The following DOCK9 variants were observed in gnomAD, a reference collection of about 807,000 sequenced individuals.
DOCK9 encodes the protein dedicator of cytokinesis 9, also known as dedicator of cytokinesis protein 9.
DOCK9 carries 89 observed loss-of-function variants against 263.3 expected under a neutral mutation model. That is an observed-to-expected ratio of 0.34 (90% CI 0.28 to 0.40). The LOEUF is 0.40. Among genes scored for constraint, DOCK9 ranks in the 10% least tolerant of loss-of-function variants. DOCK9 has a pLI of 1.00. For synonymous variants in DOCK9, 976 were observed against 973.1 expected, an observed-to-expected ratio of 1.00 and a Z score of -0.06; for missense variants, 2,140 against 2,603.4, an observed-to-expected ratio of 0.82 and a Z score of 3.87.
intron 1 of DOCK9, among the ~76,000 whole-genome samples, chr13:99,069,040 A>G (rs899769497): frequency 2.0e-5 from 3 of 152,206 alleles, no homozygotes; most frequent in South Asian, 2.1e-4. Flanking sequence ...TTACAGCTGA[A>G]TATTTATTTT....
At chr13:98,955,675 T>C in intron 1 of DOCK9, 124 bp from the exon 2 acceptor site, 1 of 655,098 alleles carries the variant, frequency 1.5e-6, no homozygotes, top group Non-Finnish European at 2.6e-6. Context: ...AGTTTTGGTA[T>C]CACAAAGAAA....
intron 28 of DOCK9, 35 bp downstream of exon 28, chr13:98,868,196 C>G (rs981717855): frequency 6.2e-7 from 1 of 1,611,408 alleles, no homozygotes; most frequent in African/African-American, 1.3e-5. Flanking sequence ...CATCTTTGTC[C>G]CATAACTGAT....
chr13:98,926,099 C>T (rs2052912203), intron 3 of DOCK9, among the ~76,000 whole-genome samples, 180 bp from the exon 4 acceptor site: 1 of 152,196 alleles, frequency 6.6e-6, no homozygotes, highest in South Asian at 2.1e-4. Flanking sequence ...AGACTTTGAA[C>T]CACTGAAACA....
chr13:98,856,193 A>G (rs1438585136), intron 33 of DOCK9, 162 bp from the exon 34 acceptor site: 17 of 631,022 alleles, frequency 2.7e-5, no homozygotes, highest in Non-Finnish European at 3.9e-5. Context: ...GAACCAGGTC[A>G]TATACAATGA....
chr13:99,083,594 T>C (rs2042213855), intron 1 of DOCK9, among the ~76,000 whole-genome samples: 1 of 150,972 alleles, frequency 6.6e-6, no homozygotes. Flanking sequence ...TGATGAAATA[T>C]GAAGGTTCAT....
intron 1 of DOCK9, among the ~76,000 whole-genome samples, chr13:99,080,063 T>C (rs2042067606): frequency 6.6e-6 from 1 of 152,140 alleles, no homozygotes; most frequent in African/African-American, 2.4e-5. Context: ...AATACATAAA[T>C]ATCCCTCTCC....
intron 3 of DOCK9, among the ~76,000 whole-genome samples, chr13:98,927,788 T>C (rs2053241174): frequency 6.6e-6 from 1 of 151,866 alleles, no homozygotes; most frequent in Non-Finnish European, 1.5e-5. Flanking sequence ...GCCTGGCTAC[T>C]TTTTGTATTT....
Position 98,809,394 on chromosome 13 carries a change from G to A in DOCK9, c.5325C>T (p.Arg1775=). 6.2e-7 allele frequency: 1 copy of A among 1,613,842 alleles called. No homozygotes were observed. The highest frequency in any genetic ancestry group is 8.5e-7 in the Non-Finnish European group (1 of 1,179,876). ...CCCGGAAGTAGGTCCCCAGAAGCCTGCGGCCCGAGTGCATGACCTCGGTCA... is the reference window on the plus strand; with the variant it reads ...CCCGGAAGTAGGTCCCCAGAAGCCTACGGCCCGAGTGCATGACCTCGGTCA... The part of the protein sequence containing the change: ...SKVTEVMHSG[R]RLLGTYFRVA... The change falls in exon 47 of 53, where the codon CGC becomes CGT. Residue 1775 remains arginine (R), a synonymous_variant. Coordinates refer to ENST00000682017, the MANE Select transcript of DOCK9 (RefSeq NM_001366683.2).
chr13:98,902,253 C>T lies in DOCK9; in HGVS notation c.1380+35G>A. ...CATTTAGGTAGCATGCAAAGTGAGT[C>T]TGAGTAGTGGGAATGCTGGGCTCAT... On this transcript the variant is annotated intron_variant, in intron 12 of 52. Transcript: ENST00000682017. The T allele has an allele frequency of 1.9e-6, 3 of 1,606,120 alleles. No homozygotes were observed. The South Asian group carries it at 3.3e-5, about 18-fold the overall frequency.
chr13:99,008,185 C>CTCTCT (rs1269274928), intron 1 of DOCK9, among the ~76,000 whole-genome samples: 1 of 100,984 alleles, frequency 9.9e-6, no homozygotes, highest in African/African-American at 3.9e-5. Flanking sequence ...TATTGTGCAG[C>CTCTCT]CTCTCTCTCT....
chr13:98,865,131 T>A (rs1474846822), intron 30 of DOCK9, among the ~76,000 whole-genome samples: 1 of 152,204 alleles, frequency 6.6e-6, no homozygotes, highest in Non-Finnish European at 1.5e-5. Context: ...CTGCCTAGAT[T>A]GCAGATTTCA....
intron 2 of DOCK9, 72 bp from the exon 3 acceptor site, chr13:98,930,329 T>C: frequency 7.5e-7 from 1 of 1,325,924 alleles, no homozygotes; most frequent in Non-Finnish European, 1.1e-6. Flanking sequence ...AGTGCAGCTG[T>C]GTGCCCTGCA....
chr13:99,088,368 G>A (rs1326146063), upstream of DOCK9: 1 of 152,270 alleles, frequency 6.6e-6, no homozygotes, highest in African/African-American at 2.4e-5. Flanking sequence ...AACGCACTCT[G>A]TTCGGTGAGA....
At position 98,962,561 on chromosome 13, in the gene DOCK9, C is replaced by G. The variant is rs149021326; in HGVS notation, c.127-7010G>C. The stretch of plus-strand genomic sequence containing the variant: ...AGTCAATGCATGGAAAAGGCAAAGC[C>G]TGGCAAACTGTAAACACATATTATA... On this transcript the variant is annotated intron_variant, in intron 1 of 52. Transcript: ENST00000682017. 6.0e-3 allele frequency among the ~76,000 whole-genome samples: 916 copies of G among 151,682 alleles called. 3 individuals carry two copies. Among genetic ancestry groups the G allele is most frequent in the Non-Finnish European group, 9.4e-3 (639 of 67,966 alleles).
At chr13:98,990,803 T>A (rs9517530) in intron 1 of DOCK9, among the ~76,000 whole-genome samples, 22,629 of 152,230 alleles carry the variant, frequency 0.15, 2,421 homozygotes, top group East Asian at 0.43. Context: ...TCATACTGTA[T>A]GCAACCCAGC....
rs1193084385 is a variant in DOCK9 at position 98,881,893 on chromosome 13, G to A, written c.2674C>T (p.Arg892Trp). 4 of 1,566,734 alleles carry A rather than the reference G, an allele frequency of 2.6e-6. No homozygotes were observed. The highest frequency in any genetic ancestry group is 3.5e-6 in the Non-Finnish European group (4 of 1,154,736). The change falls in exon 24 of 53, where the codon CGG becomes TGG. Residue 892 changes from arginine (R) to tryptophan (W), a missense_variant and splice_region_variant. This residue lies in a region of DOCK9 where 1,521 missense variants were observed against 1,741.7 expected (regional missense o/e 0.87). Coordinates refer to ENST00000682017, the MANE Select transcript of DOCK9 (RefSeq NM_001366683.2). ...AGAGCATCCATCCACCTCCCTTACCGAGTCACGTTAACCGCGACTTCTTCC... is the reference window on the plus strand; with the variant it reads ...AGAGCATCCATCCACCTCCCTTACCAAGTCACGTTAACCGCGACTTCTTCC... The part of the protein sequence containing the change: ...TQEEVAVNVT[R>W]VIIHVVAQCH...
At chr13:98,808,587 A>G in intron 47 of DOCK9, 2 of 1,232,594 alleles carry the variant, frequency 1.6e-6, no homozygotes, top group Non-Finnish European at 2.4e-6. Context: ...CTAGGAGTTT[A>G]GACGCAGTAA....
chr13:98,823,173 A>G (rs2092371760), intron 45 of DOCK9, among the ~76,000 whole-genome samples: 2 of 152,034 alleles, frequency 1.3e-5, no homozygotes, highest in African/African-American at 2.4e-5. Context: ...CCATTTTTAC[A>G]ACTCTCTTTA....
chr13:98,930,441 A>T (rs1439345530), intron 2 of DOCK9, among the ~76,000 whole-genome samples, 184 bp from the exon 3 acceptor site: 2 of 152,158 alleles, frequency 1.3e-5, no homozygotes, highest in African/African-American at 4.8e-5. Flanking sequence ...CTCAAGTTCC[A>T]AAGCCAGGCT....
Sources: gnomAD v4.1 joint callset for allele counts (sites outside exome capture counted in the v4.1 genomes callset) on GRCh38, gnomAD v4.1.1 for gene constraint, gnomAD v4.1.1 regional missense constraint, MANE v1.5 for transcripts, NCBI Gene and HGNC (gene_info 2026-07-23, HGNC 2026-07-21) for gene names.